Variants in TENM2 observed in about 807,000 individuals in gnomAD.
TENM2 encodes the protein teneurin transmembrane protein 2.
A neutral mutation model predicts 245.2 loss-of-function variants in TENM2; 52 were observed. That is an observed-to-expected ratio of 0.21 (90% CI 0.17 to 0.27). The LOEUF is 0.27. Ranked by LOEUF, TENM2 falls within the 10% of genes least tolerant of loss-of-function variation. The pLI, the probability that TENM2 is intolerant of heterozygous loss-of-function variation, is 1.00. For missense variants in TENM2, 3,046 were observed against 3,666.8 expected, an observed-to-expected ratio of 0.83 and a Z score of 4.37; for synonymous variants, 1,363 against 1,438.9, an observed-to-expected ratio of 0.95 and a Z score of 1.19.
intron 2 of TENM2, among the ~76,000 whole-genome samples, chr5:167,522,981 A>G (rs1256400008): frequency 6.6e-6 from 1 of 152,092 alleles, no homozygotes; most frequent in East Asian, 1.9e-4. Flanking sequence ...ACCAGGGGAG[A>G]AGAGGCAATG....
chr5:167,923,381 A>T (rs1777518494), intron 3 of TENM2, among the ~76,000 whole-genome samples: 1 of 151,882 alleles, frequency 6.6e-6, no homozygotes, highest in East Asian at 1.9e-4. Flanking sequence ...TTAATTTATG[A>T]TCCAAGCACA....
At chr5:167,223,966 C>A in the TENM2 span, among the ~76,000 whole-genome samples, 1 of 152,190 alleles carries the variant, frequency 6.6e-6, no homozygotes, top group South Asian at 2.1e-4. Flanking sequence ...TTGTCATATA[C>A]CTGTTGGCCA....
At chr5:168,162,934 G>A (rs1012381627) in intron 13 of TENM2, among the ~76,000 whole-genome samples, 177 bp downstream of exon 15, 1 of 152,196 alleles carries the variant, frequency 6.6e-6, no homozygotes, top group Non-Finnish European at 1.5e-5. Context: ...GGGGATCTCT[G>A]GGAGACACCG....
the TENM2 span, among the ~76,000 whole-genome samples, chr5:167,137,095 C>T: frequency 2.0e-5 from 3 of 152,152 alleles, no homozygotes; most frequent in East Asian, 5.8e-4. Flanking sequence ...TCCCTCTCTT[C>T]TTATTTTTAC....
intron 3 of TENM2, among the ~76,000 whole-genome samples, chr5:167,908,507 C>G (rs1293544308): frequency 1.0e-4 from 3 of 29,246 alleles, no homozygotes; most frequent in Non-Finnish European, 2.1e-4. Context: ...CCTCCCCTCT[C>G]CTCCCTTCCC....
At chr5:167,763,665 T>G (rs1277906927) in intron 2 of TENM2, among the ~76,000 whole-genome samples, 1 of 152,308 alleles carries the variant, frequency 6.6e-6, no homozygotes, top group South Asian at 2.1e-4. Flanking sequence ...TTACCACTTA[T>G]GTCTTGAATA....
At chr5:168,055,635 T>C (rs1355414745) in intron 6 of TENM2, among the ~76,000 whole-genome samples, 2 of 152,182 alleles carry the variant, frequency 1.3e-5, no homozygotes, top group Non-Finnish European at 2.9e-5. Flanking sequence ...TAATAGTGCC[T>C]ACAGCAGGCA....
intron 3 of TENM2, among the ~76,000 whole-genome samples, chr5:167,895,739 C>A (rs1775165249): frequency 6.6e-6 from 1 of 152,160 alleles, no homozygotes; most frequent in Non-Finnish European, 1.5e-5. Flanking sequence ...GCCTGGGGCC[C>A]ACATTTTGAG....
At chr5:167,432,335 A>G (rs543852898) in intron 2 of TENM2, among the ~76,000 whole-genome samples, 6 of 151,732 alleles carry the variant, frequency 4.0e-5, no homozygotes, top group Non-Finnish European at 7.4e-5. Flanking sequence ...CATAGATATA[A>G]CCTTTATCAT....
the TENM2 span, among the ~76,000 whole-genome samples, chr5:167,215,609 G>T: frequency 6.6e-5 from 10 of 152,280 alleles, no homozygotes; most frequent in African/African-American, 2.4e-4. Flanking sequence ...ATCTAAAATA[G>T]TCTCGGAACT....
intron 3 of TENM2, among the ~76,000 whole-genome samples, chr5:167,882,517 G>A (rs1326174874): frequency 6.6e-6 from 1 of 152,186 alleles, no homozygotes; most frequent in Non-Finnish European, 1.5e-5. Flanking sequence ...CCGACACTGG[G>A]TAATTTATAA....
the TENM2 span, among the ~76,000 whole-genome samples, chr5:167,251,171 A>C: frequency 2.6e-4 from 40 of 152,240 alleles, no homozygotes; most frequent in African/African-American, 9.1e-4. Context: ...AACGTGTTGT[A>C]AAAGTTGATT....
At chr5:167,608,040 A>T (rs1777183321) in intron 2 of TENM2, among the ~76,000 whole-genome samples, 1 of 152,206 alleles carries the variant, frequency 6.6e-6, no homozygotes, top group African/African-American at 2.4e-5. Flanking sequence ...GTGACGCCAC[A>T]TCCTTTGGCT....
At chr5:167,533,077 A>G (rs1771622040) in intron 2 of TENM2, among the ~76,000 whole-genome samples, 1 of 152,152 alleles carries the variant, frequency 6.6e-6, no homozygotes, top group South Asian at 2.1e-4. Flanking sequence ...AGGAGATAGT[A>G]TATTAGTAGA....
intron 2 of TENM2, among the ~76,000 whole-genome samples, chr5:167,782,311 CT>C (rs1561775573): frequency 2.1e-5 from 1 of 48,548 alleles, no homozygotes; most frequent in Non-Finnish European, 3.3e-5. Context: ...AAAACTCTGT[CT>C]CAAAAAAAAA....
At chr5:168,158,693 TG>T (rs1757411511) in intron 12 of TENM2, among the ~76,000 whole-genome samples, 1 of 150,060 alleles carries the variant, frequency 6.7e-6, no homozygotes, top group Non-Finnish European at 1.5e-5. Flanking sequence ...GGCTCATGCC[TG>T]GAGTGCTGTA....
chr5:167,231,408 C>G, the TENM2 span, among the ~76,000 whole-genome samples: 31,699 of 152,092 alleles, frequency 0.21, 3,882 homozygotes, highest in African/African-American at 0.34. Context: ...GATGGTCTCA[C>G]ATGGAAATAA....
intron 1 of TENM2, among the ~76,000 whole-genome samples, chr5:167,354,801 G>A (rs1002313093): frequency 1.3e-5 from 2 of 152,066 alleles, no homozygotes; most frequent in Non-Finnish European, 2.9e-5. Flanking sequence ...CATAACACAC[G>A]ATCAATAAAT....
At chr5:167,302,809 G>A (rs1467194373) in intron 1 of TENM2, among the ~76,000 whole-genome samples, 1 of 152,130 alleles carries the variant, frequency 6.6e-6, no homozygotes, top group Admixed American at 6.5e-5. Context: ...AGAAAAGCGG[G>A]ACTTGCCGCT....
Sources: allele counts gnomAD v4.1 joint callset (sites outside exome capture counted in the v4.1 genomes callset), GRCh38; gene constraint gnomAD v4.1.1; transcripts MANE v1.5; gene names NCBI Gene and HGNC (gene_info 2026-07-23, HGNC 2026-07-21).